PTPRD: variants seen among roughly 807,000 people sequenced by gnomAD.
PTPRD encodes receptor-type tyrosine-protein phosphatase delta.
In PTPRD, 34 loss-of-function variants were observed where a neutral mutation model predicts 214.5. The ratio of observed to expected loss-of-function variants is 0.16; its 90% CI spans 0.12 to 0.21. The LOEUF is 0.21. PTPRD is among the 10% of genes least tolerant of loss of function. The pLI, the probability that PTPRD is intolerant of heterozygous loss-of-function variation, is 1.00. For missense variants in PTPRD, 2,545 were observed against 2,398.7 expected, an observed-to-expected ratio of 1.06 and a Z score of -1.27; for synonymous variants, 1,128 against 845.7, an observed-to-expected ratio of 1.33 and a Z score of -5.79.
At chr9:10,515,413 C>T (rs543944597) in intron 2 of PTPRD, among the ~76,000 whole-genome samples, 3 of 141,704 alleles carry the variant, frequency 2.1e-5, no homozygotes, top group Admixed American at 6.9e-5. Context: ...AAAAGGGCAA[C>T]GCCATTTGGC....
chr9:9,661,041 C>T lies in PTPRD; in HGVS notation c.-287+73492G>A, dbSNP rs866171289. 7.9e-5 allele frequency among the ~76,000 whole-genome samples: 12 copies of T among 152,038 alleles called. No homozygotes were observed. The Middle Eastern group carries it at 0.014, about 172-fold the overall frequency. On this transcript the variant is annotated intron_variant, in intron 7 of 45. Coordinates refer to ENST00000381196, the MANE Select transcript of PTPRD (RefSeq NM_002839.4). Reference sequence around the variant, plus strand: ...CCATTTTTTGTTACTAATAAACCACCACGTAACTTTCCATAAAGAAATGAA... The same window carrying T: ...CCATTTTTTGTTACTAATAAACCACTACGTAACTTTCCATAAAGAAATGAA...
chr9:8,339,497 T>C (rs1232132086), intron 42 of PTPRD, among the ~76,000 whole-genome samples: 1 of 152,140 alleles, frequency 6.6e-6, no homozygotes, highest in Non-Finnish European at 1.5e-5. Context: ...TCCGAATTGA[T>C]TTGTTCCAAT....
chr9:9,765,010 T>C lies in PTPRD; in HGVS notation c.-326+1800A>G, dbSNP rs373188707. Among the ~76,000 whole-genome samples, 439 of 152,312 alleles carry C rather than the reference T, an allele frequency of 2.9e-3. 2 individuals carry two copies. The highest frequency in any genetic ancestry group is 0.01 in the African/African-American group (416 of 41,562). On this transcript the variant is annotated intron_variant, in intron 6 of 45. Transcript: ENST00000381196. ...TGTTTGATTAAGTCCCTGCCAAATG[T>C]CATGCCAAAGCCTTGACACAACAGA...
chr9:10,184,099 C>T (rs1325466583), intron 3 of PTPRD, among the ~76,000 whole-genome samples: 1 of 152,038 alleles, frequency 6.6e-6, no homozygotes, highest in East Asian at 1.9e-4. Context: ...CAAAACCTTT[C>T]AATAATGAGA....
intron 5 of PTPRD, among the ~76,000 whole-genome samples, chr9:9,819,364 G>A (rs2049921346): frequency 6.6e-6 from 1 of 152,114 alleles, no homozygotes; most frequent in Non-Finnish European, 1.5e-5. Flanking sequence ...AATGAACTTT[G>A]GCGGAGGTTT....
chr9:8,852,810 T>A (rs1436115251), intron 11 of PTPRD, among the ~76,000 whole-genome samples: 1 of 152,190 alleles, frequency 6.6e-6, no homozygotes, highest in African/African-American at 2.4e-5. Context: ...CAAAATGTCA[T>A]AGGCCAACTG....
At chr9:8,810,920 C>G (rs1362691844) in intron 11 of PTPRD, among the ~76,000 whole-genome samples, 1 of 152,106 alleles carries the variant, frequency 6.6e-6, no homozygotes, top group Non-Finnish European at 1.5e-5. Context: ...GCTATGAGTT[C>G]GTCCTAGGGG....
chr9:9,241,432 C>G (rs1569565442), intron 9 of PTPRD, among the ~76,000 whole-genome samples: 1 of 152,056 alleles, frequency 6.6e-6, no homozygotes, highest in Non-Finnish European at 1.5e-5. Context: ...CACTTCTTAA[C>G]TTACAAATGC....
intron 2 of PTPRD, among the ~76,000 whole-genome samples, chr9:10,575,759 T>C (rs377094265): frequency 6.6e-6 from 1 of 152,062 alleles, no homozygotes; most frequent in African/African-American, 2.4e-5. Context: ...CCAGTCTCTC[T>C]CTCTCTGTCT....
rs1292676529 is a variant in PTPRD, at chr9:9,345,095, T to C, written c.-203+52354A>G. The stretch of plus-strand genomic sequence containing the variant: ...ATTTTCCAGACAGGAAAGTGGTTCA[T>C]CAAGAAAGTCTCTTGAGATTTTCTG... On this transcript the variant is annotated intron_variant, in intron 9 of 45. Transcript: ENST00000381196. 2.0e-5 allele frequency among the ~76,000 whole-genome samples: 3 copies of C among 152,266 alleles called. No homozygotes were observed. In the East Asian group the frequency reaches 5.8e-4, roughly 29 times the overall value.
intron 11 of PTPRD, among the ~76,000 whole-genome samples, chr9:8,815,112 T>C (rs1247412759): frequency 1.3e-5 from 2 of 152,070 alleles, no homozygotes; most frequent in Non-Finnish European, 2.9e-5. Context: ...AATTTAGTTT[T>C]TTTTTTTTCA....
intron 8 of PTPRD, among the ~76,000 whole-genome samples, chr9:9,519,988 AGCCTGAAAATAG>A (rs2096927528): frequency 6.6e-6 from 1 of 152,040 alleles, no homozygotes; most frequent in Admixed American, 6.6e-5. Flanking sequence ...AAAAGTACAG[AGCCTGAAAATAG>A]GCCTATGTAT....
At chr9:9,140,980 C>T (rs915607703) in intron 10 of PTPRD, among the ~76,000 whole-genome samples, 1 of 152,136 alleles carries the variant, frequency 6.6e-6, no homozygotes, top group Non-Finnish European at 1.5e-5. Context: ...TAGATTCGGT[C>T]ATATGATTGA....
intron 11 of PTPRD, among the ~76,000 whole-genome samples, chr9:8,883,274 G>GT (rs965335229): frequency 6.6e-6 from 1 of 152,136 alleles, no homozygotes; most frequent in Non-Finnish European, 1.5e-5. Flanking sequence ...AGCAACTATC[G>GT]TAAGGGTCTA....
At chr9:10,184,029 A>G (rs1396214066) in intron 3 of PTPRD, among the ~76,000 whole-genome samples, 1 of 152,212 alleles carries the variant, frequency 6.6e-6, no homozygotes, top group African/African-American at 2.4e-5. Context: ...CATCTCTTAG[A>G]TCTAAAGGTA....
At chr9:9,617,613 G>A (rs1401837517) in intron 7 of PTPRD, among the ~76,000 whole-genome samples, 1 of 151,950 alleles carries the variant, frequency 6.6e-6, no homozygotes, top group Non-Finnish European at 1.5e-5. Context: ...AAATGTGCAT[G>A]AAAAAAGAAG....
In PTPRD at chr9:9,968,849, A is replaced by G. The variant is rs1009085410; in HGVS notation, c.-471-30239T>C. ...AAGAAAACTTAATGAAAAAGAACCA[A>G]AGACACAGAACTAAGGATGTGATAA... is the stretch of plus-strand genomic sequence containing the variant. On this transcript the variant is annotated intron_variant, in intron 4 of 45. Transcript: ENST00000381196. 2.0e-5 allele frequency among the ~76,000 whole-genome samples: 3 copies of G among 152,144 alleles called. 1 individual carries two copies. In the South Asian group the frequency reaches 6.2e-4, roughly 31 times the overall value.
chr9:10,081,417 G>A (rs1255312359), intron 3 of PTPRD, among the ~76,000 whole-genome samples: 1 of 152,066 alleles, frequency 6.6e-6, no homozygotes, highest in African/African-American at 2.4e-5. Flanking sequence ...CTAGTGTGAT[G>A]ATACTAGGAG....
chr9:10,075,709 G>T (rs1419549521), intron 3 of PTPRD, among the ~76,000 whole-genome samples: 1 of 151,618 alleles, frequency 6.6e-6, no homozygotes, highest in East Asian at 1.9e-4. Flanking sequence ...GTTGTGCTCT[G>T]GATAAAAGTG....
Sources: allele counts gnomAD v4.1 joint callset (sites outside exome capture counted in the v4.1 genomes callset), GRCh38; gene constraint gnomAD v4.1.1; transcripts MANE v1.5; gene names NCBI Gene and HGNC (gene_info 2026-07-23, HGNC 2026-07-21).